COL23A1: variants seen among roughly 807,000 people sequenced by gnomAD.
COL23A1 encodes the protein collagen alpha-1(XXIII) chain.
Under a neutral mutation model 99.3 loss-of-function variants are expected in COL23A1, and 97 were observed. The observed-to-expected ratio is 0.98, with a 90% CI of 0.83 to 1.16. COL23A1 has a LOEUF of 1.16. COL23A1 is among the 50% of genes most tolerant of loss of function. COL23A1 has a pLI of 0.00. For synonymous variants in COL23A1, 320 were observed against 308.2 expected (o/e 1.04, Z -0.40); for missense variants, 762 against 757.4 (o/e 1.01, Z -0.07).
intron 2 of COL23A1, 50 bp downstream of exon 2, chr5:178,560,632 C>A: frequency 6.4e-7 from 1 of 1,558,738 alleles, no homozygotes; most frequent in Admixed American, 1.8e-5. Flanking sequence ...CAATCCCAAG[C>A]AAACGGCGGC....
intron 3 of COL23A1, among the ~76,000 whole-genome samples, chr5:178,300,374 C>A (rs1398029691): frequency 6.6e-6 from 1 of 152,004 alleles, no homozygotes; most frequent in Non-Finnish European, 1.5e-5. Context: ...CCTCAATTTT[C>A]AAAGATAGTT....
intron 2 of COL23A1, among the ~76,000 whole-genome samples, chr5:178,437,424 C>T (rs991348944): frequency 3.3e-5 from 5 of 152,170 alleles, no homozygotes; most frequent in African/African-American, 7.2e-5. Flanking sequence ...AGCAGGAGGT[C>T]GCCAGGATCT....
intron 11 of COL23A1, 29 bp downstream of exon 11, chr5:178,261,693 G>T: frequency 1.3e-6 from 2 of 1,584,850 alleles, no homozygotes; most frequent in Non-Finnish European, 1.7e-6. Flanking sequence ...CAGATCTGGG[G>T]AGGGGCATGG....
chr5:178,548,797 G>T (rs937490960), intron 2 of COL23A1, among the ~76,000 whole-genome samples: 2 of 152,058 alleles, frequency 1.3e-5, no homozygotes, highest in Non-Finnish European at 2.9e-5. Flanking sequence ...GGTGGCATTT[G>T]CTTTCTATAC....
At chr5:178,296,841 G>A (rs548185619) in intron 3 of COL23A1, among the ~76,000 whole-genome samples, 1 of 152,182 alleles carries the variant, frequency 6.6e-6, no homozygotes, top group African/African-American at 2.4e-5. Flanking sequence ...CACTTCTCTT[G>A]GGCCCTACTG....
chr5:178,536,693 C>T (rs1382011215), intron 2 of COL23A1, among the ~76,000 whole-genome samples: 1 of 152,162 alleles, frequency 6.6e-6, no homozygotes, highest in African/African-American at 2.4e-5. Flanking sequence ...GCGATGAGGG[C>T]ATCCCTATGC....
chr5:178,528,263 A>G lies in COL23A1; in HGVS notation c.361+32419T>C, dbSNP rs627976. Among the ~76,000 whole-genome samples the G allele has an allele frequency of 6.4e-3, 979 of 151,938 alleles. 17 individuals carry two copies. The highest frequency in any genetic ancestry group is 0.022 in the African/African-American group (928 of 41,426). ...TCCTCACCTAAGCCCACTCACGATCACTCATTCACCCTTTCACCATCTCAC... is the reference window on the plus strand; with the variant it reads ...TCCTCACCTAAGCCCACTCACGATCGCTCATTCACCCTTTCACCATCTCAC... On this transcript the variant is annotated intron_variant, in intron 2 of 28. Transcript: ENST00000390654.
At chr5:178,496,962 T>C (rs543791876) in intron 2 of COL23A1, among the ~76,000 whole-genome samples, 103 of 152,322 alleles carry the variant, frequency 6.8e-4, no homozygotes, top group African/African-American at 2.0e-3. Flanking sequence ...AGTGGCTTCA[T>C]TGGGCCTCTC....
chr5:178,331,786 G>C (rs1426892967), intron 2 of COL23A1, among the ~76,000 whole-genome samples: 2 of 152,236 alleles, frequency 1.3e-5, no homozygotes, highest in Non-Finnish European at 2.9e-5. Context: ...GCTGGCACAG[G>C]CTTCCTCTGA....
chr5:178,290,371 T>G lies in COL23A1; in HGVS notation c.407-2A>C. The G allele has an allele frequency of 6.2e-7, 1 of 1,614,024 alleles. No homozygotes were observed. Among genetic ancestry groups the G allele is most frequent in the Non-Finnish European group, 8.5e-7 (1 of 1,180,002 alleles). ...AGTCCAGGACACTTACTGGAGGACC[T>G]GCAAAACACAAGCAGAGAAGCCACA... On this transcript the variant is annotated splice_acceptor_variant, in intron 3 of 28. Transcript: ENST00000390654. LOFTEE classifies it high-confidence loss of function.
intron 2 of COL23A1, among the ~76,000 whole-genome samples, chr5:178,480,371 G>T (rs529778049): frequency 2.6e-5 from 4 of 152,186 alleles, no homozygotes; most frequent in African/African-American, 9.6e-5. Context: ...AGTCTTCACA[G>T]TTTCCCTCCG....
chr5:178,330,687 C>A (rs567837341), intron 2 of COL23A1, among the ~76,000 whole-genome samples: 2 of 152,212 alleles, frequency 1.3e-5, no homozygotes, highest in East Asian at 3.9e-4. Flanking sequence ...AGCCACCTCA[C>A]CTTGGCCTGT....
intron 1 of COL23A1, among the ~76,000 whole-genome samples, chr5:178,578,824 C>CT (rs11343452): frequency 3.1e-4 from 46 of 148,068 alleles, no homozygotes; most frequent in Middle Eastern, 3.5e-3. Context: ...TAAAAGCAGA[C>CT]TTTTTTTTTT....
At chr5:178,362,436 G>A (rs1186245971) in intron 2 of COL23A1, among the ~76,000 whole-genome samples, 1 of 152,132 alleles carries the variant, frequency 6.6e-6, no homozygotes, top group Admixed American at 6.6e-5. Context: ...ACCGAGGGGT[G>A]CCTGTGGCCT....
chr5:178,398,618 C>A (rs1209888952), intron 2 of COL23A1, among the ~76,000 whole-genome samples: 1 of 152,168 alleles, frequency 6.6e-6, no homozygotes, highest in Non-Finnish European at 1.5e-5. Context: ...CGGAATGAGA[C>A]TCTGTTCCCC....
At chr5:178,547,565 CCACA>C (rs1443922471) in intron 2 of COL23A1, among the ~76,000 whole-genome samples, 1 of 81,468 alleles carries the variant, frequency 1.2e-5, no homozygotes, top group Non-Finnish European at 2.4e-5. Context: ...ATACACACCC[CCACA>C]CACACCTACA....
In COL23A1 at chr5:178,242,244, G is replaced by A. The variant is rs1268041380; in HGVS notation, c.1494+97C>T. The A allele has an allele frequency of 1.3e-5, 19 of 1,489,506 alleles. No homozygotes were observed. In the Middle Eastern group the frequency reaches 5.1e-4, roughly 40 times the overall value. The allele number at this position is 1,489,506 out of a possible 1,614,324, so 92.3% of individuals were successfully genotyped here. A position where few individuals can be genotyped will look rare whatever the true frequency, so the allele number is the denominator to read the frequency against. Reference sequence around the variant, plus strand: ...TCCCCCTGCCTCCGCCCACCTGCCCGGCCTGGGTTCTCTCTACCTGCTTCA... The same window carrying A: ...TCCCCCTGCCTCCGCCCACCTGCCCAGCCTGGGTTCTCTCTACCTGCTTCA... On this transcript the variant is annotated intron_variant, in intron 26 of 28. Coordinates refer to ENST00000390654, the MANE Select transcript of COL23A1 (RefSeq NM_173465.4).
chr5:178,434,324 C>T lies in COL23A1; in HGVS notation c.361+126358G>A, dbSNP rs921576221. Among the ~76,000 whole-genome samples the T allele has an allele frequency of 1.3e-5, 2 of 152,296 alleles. No homozygotes were observed. The highest frequency in any genetic ancestry group is 2.4e-5 in the African/African-American group (1 of 41,558). On this transcript the variant is annotated intron_variant, in intron 2 of 28. Transcript: ENST00000390654. This position sits in a 1 kb window ranked among gnomAD's most constrained non-coding sequence, Gnocchi z 4.3. ...CTCCTCCTCACGTACTCACTGGCCCCGAGGCACTGTTCTCCAGGACAGATG... is the reference window on the plus strand; with the variant it reads ...CTCCTCCTCACGTACTCACTGGCCCTGAGGCACTGTTCTCCAGGACAGATG...
intron 2 of COL23A1, among the ~76,000 whole-genome samples, chr5:178,536,533 T>G (rs515211): frequency 6.6e-6 from 1 of 151,748 alleles, no homozygotes; most frequent in Non-Finnish European, 1.5e-5. Context: ...ATCCAGACCA[T>G]GGACAGGTGC....
Sources: gnomAD v4.1 joint callset for allele counts (sites outside exome capture counted in the v4.1 genomes callset) on GRCh38, gnomAD v4.1.1 for gene constraint, Gnocchi (gnomAD v3.1) non-coding constraint, MANE v1.5 for transcripts, NCBI Gene and HGNC (gene_info 2026-07-23, HGNC 2026-07-21) for gene names.